KLHL13: variants seen among roughly 807,000 people sequenced by gnomAD.
The protein encoded by KLHL13 is kelch like family member 13, also known as kelch-like protein 13.
Under a neutral mutation model 37.1 loss-of-function variants are expected in KLHL13, and 10 were observed. The observed-to-expected ratio is 0.27, with a 90% confidence interval of 0.17 to 0.46. The LOEUF is 0.46. KLHL13 is among the 20% of genes least tolerant of loss of function. KLHL13 has a pLI of 1.00. For synonymous variants in KLHL13, 163 were observed against 181.2 expected, an observed-to-expected ratio of 0.90 and a Z score of 0.81; for missense variants, 360 against 509.3, an observed-to-expected ratio of 0.71 and a Z score of 2.82.
At chrX:118,070,902 C>T (rs1415402434) in intron 1 of KLHL13, among the ~76,000 whole-genome samples, 1 of 108,246 alleles carries the variant, frequency 9.2e-6, no homozygotes, top group African/African-American at 3.4e-5. Context: ...GCTATCCCTC[C>T]CCCCTTCCCC....
At chrX:117,942,266 A>C (rs1602576795) in intron 2 of KLHL13, among the ~76,000 whole-genome samples, 1 of 111,858 alleles carries the variant, frequency 8.9e-6, no homozygotes, top group African/African-American at 3.2e-5. Flanking sequence ...TCAGTTTTAC[A>C]ATAAGTGTAA....
intron 1 of KLHL13, among the ~76,000 whole-genome samples, chrX:118,083,039 T>C (rs2055013967): frequency 8.9e-6 from 1 of 112,050 alleles, no homozygotes; most frequent in Admixed American, 9.5e-5. Flanking sequence ...TTGCTAAGGA[T>C]AGCTTTGGCT....
At chrX:118,110,414 C>G (rs1473640149) in intron 1 of KLHL13, among the ~76,000 whole-genome samples, 1 of 88,526 alleles carries the variant, frequency 1.1e-5, no homozygotes, top group Non-Finnish European at 2.1e-5. Flanking sequence ...GAGTCTCGCT[C>G]TGTCACCAGG....
At chrX:118,012,250 AT>A (rs1016631830) in intron 1 of KLHL13, among the ~76,000 whole-genome samples, 1 of 112,256 alleles carries the variant, frequency 8.9e-6, no homozygotes, top group African/African-American at 3.2e-5. Context: ...ATACTAACTT[AT>A]TTCCACTGTG....
chrX:117,922,568 C>T (rs748759716), intron 2 of KLHL13, among the ~76,000 whole-genome samples: 1 of 111,721 alleles, frequency 9.0e-6, no homozygotes, highest in African/African-American at 3.2e-5. Context: ...AAACCAGGAA[C>T]TTATTTGTGA....
chrX:117,937,684 G>T lies in KLHL13; in HGVS notation c.240+7750C>A, dbSNP rs370563132. Among the ~76,000 whole-genome samples, 164 of 111,330 alleles carry T rather than the reference G, an allele frequency of 1.5e-3. 2 individuals carry two copies. The highest frequency in any genetic ancestry group is 5.2e-3 in the African/African-American group (159 of 30,486). On this transcript the variant is annotated intron_variant, in intron 2 of 6. Coordinates refer to ENST00000262820, the Ensembl canonical transcript of KLHL13. Reference sequence around the variant, plus strand: ...ATACATATTGTATAATTTTTCTACTGATAAAAAGGATTATACAATACATAT... The same window carrying T: ...ATACATATTGTATAATTTTTCTACTTATAAAAAGGATTATACAATACATAT...
At chrX:117,923,862 A>T (rs1931858634) in intron 2 of KLHL13, among the ~76,000 whole-genome samples, 1 of 111,745 alleles carries the variant, frequency 8.9e-6, no homozygotes, top group African/African-American at 3.3e-5. Context: ...TATCATTTTT[A>T]AAAAATCCTT....
chrX:118,040,396 C>T (rs1476577226), intron 1 of KLHL13, among the ~76,000 whole-genome samples: 3 of 111,083 alleles, frequency 2.7e-5, no homozygotes, highest in Admixed American at 9.6e-5. Context: ...TCCTATCAGA[C>T]GAGAGCTGAA....
chrX:117,905,946 T>C (rs1325215503), intron 5 of KLHL13, among the ~76,000 whole-genome samples: 2 of 111,673 alleles, frequency 1.8e-5, no homozygotes, highest in Non-Finnish European at 3.8e-5. Flanking sequence ...AATTTTTCTT[T>C]TTATAATTAT....
intron 2 of KLHL13, among the ~76,000 whole-genome samples, chrX:117,921,282 T>C (rs1931681819): frequency 8.9e-6 from 1 of 112,371 alleles, no homozygotes; most frequent in African/African-American, 3.2e-5. Flanking sequence ...TTTTTAATTT[T>C]TGTGGGTACA....
At chrX:117,933,926 C>G (rs1370194529) in intron 2 of KLHL13, among the ~76,000 whole-genome samples, 1 of 110,447 alleles carries the variant, frequency 9.1e-6, no homozygotes, top group Non-Finnish European at 1.9e-5. Flanking sequence ...TAAGATGGAT[C>G]ATATACACCA....
At chrX:117,897,982 G>T (rs1398544948) in exon 7 of KLHL13, 1 of 111,689 alleles carries the variant, frequency 9.0e-6, no homozygotes, top group African/African-American at 3.3e-5. Flanking sequence ...AAAGGAGAAG[G>T]AGTAGAATAC....
intron 5 of KLHL13, 139 bp from the exon 7 acceptor site, chrX:117,902,085 T>C: frequency 5.1e-6 from 2 of 389,279 alleles, no homozygotes; most frequent in Non-Finnish European, 9.1e-6. Flanking sequence ...TGTGTAAGAC[T>C]TTGGGGGAGC....
At chrX:118,038,084 A>G (rs2054469530) in intron 1 of KLHL13, among the ~76,000 whole-genome samples, 1 of 112,666 alleles carries the variant, frequency 8.9e-6, no homozygotes, top group Non-Finnish European at 1.9e-5. Context: ...ACATTTATGT[A>G]CCATAGGACA....
At chrX:118,017,552 A>T (rs1344264776) in intron 1 of KLHL13, among the ~76,000 whole-genome samples, 1 of 111,240 alleles carries the variant, frequency 9.0e-6, no homozygotes, top group Admixed American at 9.6e-5. Flanking sequence ...GTAGAGTGGA[A>T]ATGGAGAGAA....
chrX:117,999,019 A>G (rs982042346), intron 1 of KLHL13, among the ~76,000 whole-genome samples: 47 of 111,231 alleles, frequency 4.2e-4, no homozygotes, highest in Non-Finnish European at 4.5e-4. Context: ...ACCATTGTCA[A>G]AGTACTTCCT....
chrX:118,096,144 G>A (rs1459373142), intron 1 of KLHL13, among the ~76,000 whole-genome samples: 2 of 111,586 alleles, frequency 1.8e-5, no homozygotes, highest in South Asian at 3.8e-4. Context: ...CCAGGAGCTG[G>A]TTTTTTGAAA....
intron 1 of KLHL13, among the ~76,000 whole-genome samples, chrX:117,966,545 A>G (rs1468414169): frequency 9.0e-6 from 1 of 111,706 alleles, no homozygotes; most frequent in Non-Finnish European, 1.9e-5. Flanking sequence ...TCTTCACAGA[A>G]TGGGAAAAAA....
intron 1 of KLHL13, among the ~76,000 whole-genome samples, chrX:118,003,954 G>A (rs1199560737): frequency 9.0e-6 from 1 of 110,845 alleles, no homozygotes; most frequent in East Asian, 2.8e-4. Flanking sequence ...ATCAATGGTG[G>A]ACTGATGTGG....
Sources: allele counts gnomAD v4.1 joint callset (sites outside exome capture counted in the v4.1 genomes callset), GRCh38; gene constraint gnomAD v4.1.1; transcripts MANE v1.5; gene names NCBI Gene and HGNC (gene_info 2026-07-23, HGNC 2026-07-21).